The following TFEC variants were observed in gnomAD, a reference collection of about 807,000 sequenced individuals.
The protein encoded by TFEC is class E basic helix-loop-helix protein 34.
TFEC carries 31 observed loss-of-function variants against 41.6 expected under a neutral mutation model. The ratio of observed to expected loss-of-function variants is 0.74; its 90% CI spans 0.56 to 1.01. TFEC has a LOEUF of 1.01. Among genes scored for constraint, TFEC ranks in the 50% least tolerant of loss-of-function variants. The probability of loss-of-function intolerance (pLI) is 0.00; values close to 1 mark genes in which losing one functional copy is unlikely to be tolerated. For synonymous variants in TFEC, 143 were observed against 140.6 expected, an observed-to-expected ratio of 1.02 and a Z score of -0.12; for missense variants, 402 against 404.1, an observed-to-expected ratio of 0.99 and a Z score of 0.04.
chr7:116,027,924 TGAAAAGAGAAAAGAGAAACA>T (rs1308809955), intron 1 of TFEC, among the ~76,000 whole-genome samples: 7 of 152,258 alleles, frequency 4.6e-5, no homozygotes, highest in Non-Finnish European at 1.0e-4. Context: ...CTTTCAAACC[TGAAAAGAGAAAAGAGAAACA>T]GAAACCTAAC....
At chr7:115,960,604 G>T (rs555490970) in intron 3 of TFEC, among the ~76,000 whole-genome samples, 11 of 151,728 alleles carry the variant, frequency 7.2e-5, no homozygotes, top group Non-Finnish European at 7.4e-5. Context: ...GGATGTGAAA[G>T]TGGTAAGAAT....
intron 3 of TFEC, among the ~76,000 whole-genome samples, chr7:116,088,385 G>A (rs1461564537): frequency 6.6e-6 from 1 of 152,080 alleles, no homozygotes. Context: ...CTAAAACTGA[G>A]TACATGGTAG....
chr7:116,020,881 C>G (rs1795370997), intron 1 of TFEC, among the ~76,000 whole-genome samples: 1 of 151,992 alleles, frequency 6.6e-6, no homozygotes, highest in African/African-American at 2.4e-5. Flanking sequence ...ATGAATAAGA[C>G]TCTCAAACAA....
intron 3 of TFEC, among the ~76,000 whole-genome samples, chr7:116,051,583 AAT>A (rs1796313331): frequency 6.6e-6 from 1 of 152,204 alleles, no homozygotes. Flanking sequence ...ATTTTGTGTC[AAT>A]ATATATCTGA....
At chr7:116,067,456 GA>G (rs1424886935) in intron 3 of TFEC, among the ~76,000 whole-genome samples, 1 of 151,790 alleles carries the variant, frequency 6.6e-6, no homozygotes, top group Non-Finnish European at 1.5e-5. Context: ...AGAGAAATAT[GA>G]AAAAAACCTG....
At chr7:115,978,291 A>C (rs1287001335) in intron 2 of TFEC, among the ~76,000 whole-genome samples, 3 of 152,146 alleles carry the variant, frequency 2.0e-5, no homozygotes, top group Non-Finnish European at 4.4e-5. Context: ...CTAAAGGAAA[A>C]ATAATACCAA....
intron 3 of TFEC, among the ~76,000 whole-genome samples, chr7:116,064,457 G>T (rs1470462266): frequency 1.3e-5 from 2 of 151,310 alleles, no homozygotes; most frequent in Non-Finnish European, 2.9e-5. Flanking sequence ...ACTCAATAAA[G>T]CTGTGGTAAA....
At chr7:115,989,370 G>A (rs1290832969) in intron 1 of TFEC, among the ~76,000 whole-genome samples, 1 of 152,192 alleles carries the variant, frequency 6.6e-6, no homozygotes, top group Admixed American at 6.5e-5. Flanking sequence ...TTCCAACTGA[G>A]GTACCACGTT....
chr7:115,949,836 C>T (rs1791832069), intron 6 of TFEC, among the ~76,000 whole-genome samples: 1 of 152,020 alleles, frequency 6.6e-6, no homozygotes, highest in Non-Finnish European at 1.5e-5. Context: ...CAACCAAAAC[C>T]AAAATTGACA....
intron 1 of TFEC, among the ~76,000 whole-genome samples, chr7:116,121,968 C>T (rs953247522): frequency 2.0e-5 from 3 of 152,006 alleles, no homozygotes; most frequent in African/African-American, 7.2e-5. Context: ...GAATTGACAA[C>T]CTAATTTTCC....
intron 3 of TFEC, among the ~76,000 whole-genome samples, chr7:116,069,752 G>A (rs888218772): frequency 4.0e-5 from 6 of 151,542 alleles, no homozygotes; most frequent in Non-Finnish European, 8.9e-5. Flanking sequence ...ATGGTTTCTT[G>A]TGTGGAAAAT....
At chr7:116,110,677 A>G in intron 3 of TFEC, 1 of 1,274,446 alleles carries the variant, frequency 7.8e-7, no homozygotes, top group Non-Finnish European at 1.0e-6. Flanking sequence ...TTACTTAGAA[A>G]TTACGGCTGT....
intron 1 of TFEC, among the ~76,000 whole-genome samples, chr7:115,991,955 A>G (rs1262850755): frequency 6.6e-6 from 1 of 152,220 alleles, no homozygotes; most frequent in Non-Finnish European, 1.5e-5. Context: ...ACACATTAGA[A>G]GTAAAGCACT....
intron 6 of TFEC, 37 bp downstream of exon 6, chr7:115,950,832 TTTAAA>T: frequency 6.7e-7 from 1 of 1,492,660 alleles, no homozygotes; most frequent in Non-Finnish European, 9.2e-7. Context: ...TTTGGGGGTC[TTTAAA>T]TTATAACATT....
intron 1 of TFEC, among the ~76,000 whole-genome samples, chr7:116,026,973 A>C (rs1795608926): frequency 1.3e-5 from 2 of 152,190 alleles, no homozygotes; most frequent in African/African-American, 4.8e-5. Flanking sequence ...AATTAAGAAG[A>C]AGCCTAGAAT....
chr7:115,991,695 C>A (rs529055836), intron 1 of TFEC, among the ~76,000 whole-genome samples: 1 of 152,252 alleles, frequency 6.6e-6, no homozygotes, highest in East Asian at 1.9e-4. Context: ...TATATATGCA[C>A]CCAATACAAG....
chr7:116,057,275 A>G (rs1230092294), intron 3 of TFEC, among the ~76,000 whole-genome samples: 1 of 152,024 alleles, frequency 6.6e-6, no homozygotes, highest in African/African-American at 2.4e-5. Flanking sequence ...TTTTGCAAAT[A>G]TGATGAAAAC....
At chr7:115,978,508 C>G (rs970460429) in intron 2 of TFEC, among the ~76,000 whole-genome samples, 1 of 152,212 alleles carries the variant, frequency 6.6e-6, no homozygotes, top group East Asian at 1.9e-4. Flanking sequence ...TGGCAGATCA[C>G]CTGAACAATT....
At chr7:116,058,964 C>G (rs1166172890) in intron 3 of TFEC, among the ~76,000 whole-genome samples, 2 of 151,662 alleles carry the variant, frequency 1.3e-5, no homozygotes, top group Non-Finnish European at 3.0e-5. Context: ...AAGACTTCAG[C>G]TTCTACCTTA....
Sources: allele counts gnomAD v4.1 joint callset (sites outside exome capture counted in the v4.1 genomes callset), GRCh38; gene constraint gnomAD v4.1.1; transcripts MANE v1.5; gene names NCBI Gene and HGNC (gene_info 2026-07-23, HGNC 2026-07-21).